MIAT: variants seen among roughly 807,000 people sequenced by gnomAD.
MIAT encodes MI related novel mRNA.
At chr22:26,652,109 T>A (rs1235048166) in intron 2 of MIAT, among the ~76,000 whole-genome samples, 1 of 152,118 alleles carries the variant, frequency 6.6e-6, no homozygotes, top group East Asian at 1.9e-4. Flanking sequence ...TCCTCTTTGC[T>A]CAGCCGTCCA....
chr22:26,652,846 G>T (rs1930361017), intron 2 of MIAT, among the ~76,000 whole-genome samples: 1 of 152,182 alleles, frequency 6.6e-6, no homozygotes, highest in African/African-American at 2.4e-5. Flanking sequence ...TTTCAGAGTG[G>T]TATCATGCAG....
At chr22:26,646,735 C>T (rs1181761790) in exon 1 of MIAT, 1 of 398,622 alleles carries the variant, frequency 2.5e-6, no homozygotes, top group African/African-American at 2.1e-5. Flanking sequence ...ACAGTAAATG[C>T]TCAGTAAGTG....
At chr22:26,660,964 G>A (rs768545980) in intron 2 of MIAT, 2 of 152,188 alleles carry the variant, frequency 1.3e-5, no homozygotes, top group Non-Finnish European at 2.9e-5. Context: ...GTGCATGTTC[G>A]GTGCCCTGTA....
chr22:26,659,840 CTT>C (rs1189391284), intron 2 of MIAT, among the ~76,000 whole-genome samples: 2 of 94,962 alleles, frequency 2.1e-5, no homozygotes, highest in South Asian at 3.6e-4. Flanking sequence ...TTCTTTCTTT[CTT>C]TTTTTTTTTT....
At chr22:26,656,274 G>A (rs1419901612) in intron 2 of MIAT, 2 of 151,978 alleles carry the variant, frequency 1.3e-5, no homozygotes. Flanking sequence ...GCCTCCCAAA[G>A]TGCTGGGATT....
At chr22:26,666,114 C>G (rs1216391359) in exon 4 of MIAT, 1 of 398,542 alleles carries the variant, frequency 2.5e-6, no homozygotes, top group Admixed American at 4.4e-5. Flanking sequence ...CTCGTGCCCC[C>G]ACTCCCGGGT....
At chr22:26,654,348 C>G (rs187904907) in intron 2 of MIAT, among the ~76,000 whole-genome samples, 2 of 152,064 alleles carry the variant, frequency 1.3e-5, no homozygotes, top group East Asian at 3.9e-4. Flanking sequence ...TTGGGGTGAA[C>G]AGGTGGCTTC....
At chr22:26,648,601 A>G (rs1930281103) in intron 2 of MIAT, among the ~76,000 whole-genome samples, 1 of 150,116 alleles carries the variant, frequency 6.7e-6, no homozygotes, top group Non-Finnish European at 1.5e-5. Flanking sequence ...CATAGACTCC[A>G]TAAAGTAGAG....
chr22:26,660,400 G>A (rs963586682), intron 2 of MIAT, among the ~76,000 whole-genome samples: 2 of 150,328 alleles, frequency 1.3e-5, no homozygotes, highest in South Asian at 2.1e-4. Flanking sequence ...CCCAGGAGGC[G>A]GAGGTTGCAA....
chr22:26,669,108 T>G (rs967702220), exon 6 of MIAT: 18 of 398,556 alleles, frequency 4.5e-5, no homozygotes, highest in African/African-American at 6.2e-5. Context: ...GAACAGAAGG[T>G]GGCAGGACAG....
rs572880845 is a variant in MIAT, at chr22:26,650,994, A to G, written n.646+3683A>G. ...GAGGGTGCTAAGACAGAGTGTGGGTAAAGCACTTGGAAAGTCTTCTGGCAA... is the reference window on the plus strand; with the variant it reads ...GAGGGTGCTAAGACAGAGTGTGGGTGAAGCACTTGGAAAGTCTTCTGGCAA... On this transcript the variant is annotated intron_variant and non_coding_transcript_variant, in intron 2 of 5. Coordinates refer to ENST00000643270, the Ensembl canonical transcript of MIAT. Among the ~76,000 whole-genome samples, 32 of 152,276 alleles carry G rather than the reference A, an allele frequency of 2.1e-4. No homozygotes were observed. The South Asian group carries it at 6.0e-3, about 29-fold the overall frequency.
At chr22:26,654,407 AT>A (rs1930388396) in intron 2 of MIAT, among the ~76,000 whole-genome samples, 1 of 152,222 alleles carries the variant, frequency 6.6e-6, no homozygotes, top group Admixed American at 6.5e-5. Flanking sequence ...AGTCAGGAGA[AT>A]TTGGGAATGG....
rs148437911 is a variant in MIAT at position 26,665,902 on chromosome 22, T to C, written n.1101T>C. On this transcript the variant is annotated non_coding_transcript_exon_variant, in exon 4 of 6. Transcript: ENST00000643270. ...AGTTAAATGACTTCATCTTGTGTAC[T>C]TGTAGAACTGCTATTAGAAGGAGGC... 8.3e-5 allele frequency: 33 copies of C among 398,654 alleles called. 1 individual carries two copies. In the East Asian group the frequency reaches 1.1e-3, roughly 13 times the overall value. 24.7% of individuals were successfully genotyped at this position (398,654 alleles called of 1,614,324 possible).
At chr22:26,673,012 G>C, downstream of MIAT, 1 of 398,634 alleles carries the variant, frequency 2.5e-6, no homozygotes, top group Non-Finnish European at 4.4e-6. Flanking sequence ...GGCCGTGACC[G>C]GAAGTCCTTG....
chr22:26,669,335 G>C (rs564892535), exon 6 of MIAT: 1 of 398,712 alleles, frequency 2.5e-6, no homozygotes, highest in South Asian at 1.3e-4. Flanking sequence ...AGTTCTGGAG[G>C]CTGGAAAGTC....
exon 5 of MIAT, chr22:26,676,115 C>T (rs1201143005): frequency 2.5e-6 from 1 of 394,044 alleles, no homozygotes; most frequent in Non-Finnish European, 4.4e-6. Context: ...TGTTATAATC[C>T]TTTCTTAATA....
chr22:26,671,683 C>G (rs561725538), downstream of MIAT: 2 of 398,634 alleles, frequency 5.0e-6, no homozygotes, highest in South Asian at 1.3e-4. Context: ...CTCACCAACT[C>G]TGCCACTTCC....
chr22:26,666,790 G>A lies in MIAT; in HGVS notation n.1989G>A, dbSNP rs1275309058. On this transcript the variant is annotated non_coding_transcript_exon_variant, in exon 4 of 6. Coordinates refer to ENST00000643270, the Ensembl canonical transcript of MIAT. ...TTTCTTCAGCAGGGAGTTCTGGCAA[G>A]GCCTGGGCCTGGGGAGGGGGCCTGG... The A allele has an allele frequency of 1.3e-5, 5 of 398,986 alleles. No homozygotes were observed. In the East Asian group the frequency reaches 1.4e-4, roughly 11 times the overall value. 24.7% of individuals were successfully genotyped at this position (398,986 alleles called of 1,614,324 possible). A position where few individuals can be genotyped will look rare whatever the true frequency, so the allele number is the denominator to read the frequency against.
At chr22:26,668,125 G>T in intron 5 of MIAT, 1 of 398,550 alleles carries the variant, frequency 2.5e-6, no homozygotes, top group Non-Finnish European at 4.4e-6. Context: ...TGGAGGCTGT[G>T]GCCTCATCCT....
Sources: allele counts gnomAD v4.1 joint callset (sites outside exome capture counted in the v4.1 genomes callset), GRCh38; gene constraint gnomAD v4.1.1; transcripts MANE v1.5; gene names NCBI Gene and HGNC (gene_info 2026-07-23, HGNC 2026-07-21).